Variants in LPP observed in about 807,000 individuals in gnomAD.
LPP encodes LIM domain containing preferred translocation partner in lipoma.
In LPP, 38 loss-of-function variants were observed where a neutral mutation model predicts 60.4. That is an observed-to-expected ratio of 0.63 (90% CI 0.49 to 0.83). LPP has a LOEUF of 0.83. Ranked by LOEUF, LPP falls within the 40% of genes least tolerant of loss-of-function variation. The pLI is 0.00. For synonymous variants in LPP, 328 were observed against 290.8 expected (o/e 1.13, Z -1.30); for missense variants, 902 against 783.6 (o/e 1.15, Z -1.80).
chr3:188,523,578 C>T (rs1476619702), intron 5 of LPP, among the ~76,000 whole-genome samples: 2 of 152,182 alleles, frequency 1.3e-5, no homozygotes, highest in Admixed American at 6.5e-5. Flanking sequence ...TAGTGCTAGC[C>T]TGTCATGGCA....
At chr3:188,710,332 C>T (rs1433067591) in intron 8 of LPP, 1 of 152,092 alleles carries the variant, frequency 6.6e-6, no homozygotes. Flanking sequence ...CTTCTCTGTC[C>T]CTCGCTGGCC....
At chr3:188,754,649 C>G (rs1313889561) in intron 8 of LPP, among the ~76,000 whole-genome samples, 1 of 151,800 alleles carries the variant, frequency 6.6e-6, no homozygotes, top group Non-Finnish European at 1.5e-5. Context: ...AGTTGGGAAC[C>G]AGGGATCAAT....
chr3:188,844,272 T>C (rs1320980784), intron 9 of LPP, among the ~76,000 whole-genome samples: 1 of 152,232 alleles, frequency 6.6e-6, no homozygotes, highest in African/African-American at 2.4e-5. Flanking sequence ...AGTGCTGGCC[T>C]GCCTGTATTT....
intron 5 of LPP, among the ~76,000 whole-genome samples, chr3:188,522,884 A>ATATGTG (rs1383955866): frequency 1.1e-3 from 158 of 141,070 alleles, no homozygotes; most frequent in African/African-American, 3.8e-3. Flanking sequence ...TGAGACATAT[A>ATATGTG]TGTGTGTGTG....
At chr3:188,684,450 A>C (rs944602760) in intron 7 of LPP, among the ~76,000 whole-genome samples, 14 of 152,164 alleles carry the variant, frequency 9.2e-5, no homozygotes, top group Admixed American at 1.3e-4. Context: ...AATGCCTATT[A>C]AGTTCTTCCA....
At chr3:188,238,607 G>A (rs1166754931) in intron 2 of LPP, among the ~76,000 whole-genome samples, 1 of 152,114 alleles carries the variant, frequency 6.6e-6, no homozygotes, top group Non-Finnish European at 1.5e-5. Flanking sequence ...AAGGAGAGAC[G>A]TGGGAATGGC....
rs958584475 is a variant in LPP at position 188,609,463 on chromosome 3, T to C, written c.732T>C (p.Tyr244=). The C allele has an allele frequency of 2.5e-6, 4 of 1,614,182 alleles. No homozygotes were observed. In the East Asian group the frequency reaches 8.9e-5, roughly 36 times the overall value. ...YMAAPSSGQI[Y]GSGPQGYNTQ... The stretch of plus-strand genomic sequence containing the variant: ...CTGCCCCTTCATCAGGACAAATTTA[T>C]GGCTCAGGGCCCCAGGGCTATAACA... The change falls in exon 7 of 12, where the codon TAT becomes TAC. Residue 244 remains tyrosine (Y), a synonymous_variant. Transcript: ENST00000617246. This position sits in a 1 kb window ranked among gnomAD's most constrained non-coding sequence, Gnocchi z 6.9.
intron 8 of LPP, among the ~76,000 whole-genome samples, chr3:188,727,583 C>T (rs551849275): frequency 1.5e-4 from 23 of 152,232 alleles, no homozygotes; most frequent in Middle Eastern, 3.4e-3. Flanking sequence ...AAATTCTACA[C>T]CAGAAATAGA....
At chr3:188,311,227 C>A (rs1279917107) in intron 2 of LPP, among the ~76,000 whole-genome samples, 1 of 151,934 alleles carries the variant, frequency 6.6e-6, no homozygotes, top group Non-Finnish European at 1.5e-5. Flanking sequence ...AATCCCGGCA[C>A]TATGGGAGTC....
intron 8 of LPP, among the ~76,000 whole-genome samples, chr3:188,720,499 T>A (rs1715899221): frequency 6.6e-6 from 1 of 151,842 alleles, no homozygotes; most frequent in Non-Finnish European, 1.5e-5. Flanking sequence ...CAGGCATACA[T>A]CTTCCTGGTG....
intron 7 of LPP, among the ~76,000 whole-genome samples, chr3:188,683,070 T>A (rs6762648): frequency 0.26 from 39,457 of 151,922 alleles, 5,964 homozygotes; most frequent in African/African-American, 0.4. Context: ...TAAAGTCCAT[T>A]TGGGTAGGAA....
rs924101450 is a variant in LPP at position 188,883,299 on chromosome 3, T to C, written c.*8820T>C. 1 of 214,038 alleles carries C rather than the reference T, an allele frequency of 4.7e-6. No homozygotes were observed. Among genetic ancestry groups the C allele is most frequent in the Non-Finnish European group, 9.4e-6 (1 of 105,950 alleles). The allele number at this position is 214,038 out of a possible 1,614,324, so 13.3% of individuals were successfully genotyped here. A position where few individuals can be genotyped will look rare whatever the true frequency, so the allele number is the denominator to read the frequency against. On this transcript the variant is annotated 3_prime_UTR_variant, in exon 12 of 12. Coordinates refer to ENST00000617246, the MANE Select transcript of LPP (RefSeq NM_001375462.1). The stretch of plus-strand genomic sequence containing the variant: ...AGGGCCAGACATTAGAATTTGTGAG[T>C]TTTTTTGTTGCTGGTTGTACTTTCC...
intron 7 of LPP, among the ~76,000 whole-genome samples, chr3:188,693,468 G>T (rs748628812): frequency 6.6e-6 from 1 of 152,098 alleles, no homozygotes. Flanking sequence ...TCTCTGAAAG[G>T]CATGTTATTT....
At chr3:188,178,414 C>G (rs1723746278) in intron 1 of LPP, 1 of 152,250 alleles carries the variant, frequency 6.6e-6, no homozygotes, top group Non-Finnish European at 1.5e-5. Context: ...CTCTAAGCAC[C>G]ATGCTGGTTG....
intron 6 of LPP, among the ~76,000 whole-genome samples, chr3:188,526,018 T>C (rs998496932): frequency 3.3e-5 from 5 of 152,224 alleles, no homozygotes; most frequent in African/African-American, 1.2e-4. Context: ...TTGTGGCAAA[T>C]CTGTTTCAGG....
intron 5 of LPP, among the ~76,000 whole-genome samples, chr3:188,515,934 C>CATAT (rs10663861): frequency 1.3e-5 from 2 of 151,868 alleles, no homozygotes; most frequent in South Asian, 2.1e-4. Context: ...CAGTAGAATA[C>CATAT]ATATATATAA....
At chr3:188,766,706 G>T (rs543717567) in intron 9 of LPP, among the ~76,000 whole-genome samples, 1 of 152,120 alleles carries the variant, frequency 6.6e-6, no homozygotes, top group Non-Finnish European at 1.5e-5. Flanking sequence ...TCCCATGATG[G>T]TAATTCTTTT....
intron 8 of LPP, among the ~76,000 whole-genome samples, chr3:188,715,086 T>C (rs1390011372): frequency 6.6e-6 from 1 of 152,032 alleles, no homozygotes; most frequent in African/African-American, 2.4e-5. Context: ...GTTCTAGTGA[T>C]AGATACTTAA....
chr3:188,620,929 G>A (rs1845690372), intron 7 of LPP, among the ~76,000 whole-genome samples: 1 of 152,100 alleles, frequency 6.6e-6, no homozygotes, highest in South Asian at 2.1e-4. Context: ...GCATGTATCA[G>A]GCACTCATGA....
Sources: gnomAD v4.1 joint callset for allele counts (sites outside exome capture counted in the v4.1 genomes callset) on GRCh38, gnomAD v4.1.1 for gene constraint, Gnocchi (gnomAD v3.1) non-coding constraint, MANE v1.5 for transcripts, NCBI Gene and HGNC (gene_info 2026-07-23, HGNC 2026-07-21) for gene names.